The following RANBP2 variants were observed in gnomAD, a reference collection of about 807,000 sequenced individuals.
RANBP2 encodes the protein RAN binding protein 2.
In RANBP2, 57 loss-of-function variants were observed where a neutral mutation model predicts 303.6. That is an observed-to-expected ratio of 0.19 (90% CI 0.15 to 0.23). The LOEUF (loss-of-function observed/expected upper bound fraction) is 0.23, where lower values mean the gene tolerates loss of function less well. RANBP2 is among the 10% of genes least tolerant of loss of function. The pLI, the probability that RANBP2 is intolerant of heterozygous loss-of-function variation, is 1.00. For synonymous variants in RANBP2, 1,167 were observed against 1,301.5 expected (o/e 0.90, Z 2.23); for missense variants, 3,138 against 3,780.8 (o/e 0.83, Z 4.46).
the RANBP2 span, among the ~76,000 whole-genome samples, chr2:108,880,160 T>A: frequency 7.3e-5 from 10 of 137,796 alleles, no homozygotes; most frequent in African/African-American, 2.9e-4. Flanking sequence ...GAAAAGATAA[T>A]AAAATTAATA....
chr2:109,316,637 G>A, the RANBP2 span, among the ~76,000 whole-genome samples: 1 of 152,310 alleles, frequency 6.6e-6, no homozygotes, highest in Non-Finnish European at 1.5e-5. Flanking sequence ...GCCCCCATGT[G>A]CAGCCTTTCC....
At chr2:109,002,185 G>A in the RANBP2 span, among the ~76,000 whole-genome samples, 29 of 152,334 alleles carry the variant, frequency 1.9e-4, no homozygotes, top group African/African-American at 6.5e-4. Context: ...GCTTCCAAGA[G>A]GCCGACCAAT....
At chr2:109,440,321 G>A in the RANBP2 span, among the ~76,000 whole-genome samples, 1 of 152,332 alleles carries the variant, frequency 6.6e-6, no homozygotes, top group East Asian at 1.9e-4. Flanking sequence ...GCCGAGGCCA[G>A]GGGCCCATGG....
chr2:108,998,599 C>T, the RANBP2 span, among the ~76,000 whole-genome samples: 1 of 152,194 alleles, frequency 6.6e-6, no homozygotes, highest in Non-Finnish European at 1.5e-5. Flanking sequence ...CTTTCTCTTC[C>T]TCAACCCAGC....
At chr2:109,493,488 A>G in the RANBP2 span, among the ~76,000 whole-genome samples, 1 of 151,720 alleles carries the variant, frequency 6.6e-6, no homozygotes, top group African/African-American at 2.4e-5. Flanking sequence ...CATACCCCAC[A>G]TACACCATAC....
At chr2:108,863,648 C>T in the RANBP2 span, among the ~76,000 whole-genome samples, 18 of 152,074 alleles carry the variant, frequency 1.2e-4, no homozygotes, top group African/African-American at 4.1e-4. Context: ...TCTACATAAC[C>T]TTTGTTTTTA....
chr2:109,401,007 A>G, the RANBP2 span, among the ~76,000 whole-genome samples: 1 of 152,124 alleles, frequency 6.6e-6, no homozygotes, highest in African/African-American at 2.4e-5. Context: ...GGGCATGGTG[A>G]CCCAGTGGCG....
chr2:109,606,160 T>C, the RANBP2 span, among the ~76,000 whole-genome samples: 5 of 152,250 alleles, frequency 3.3e-5, no homozygotes, highest in African/African-American at 7.2e-5. Context: ...CTCATGCCTG[T>C]AATCCCAGCA....
At chr2:109,352,504 C>A in the RANBP2 span, among the ~76,000 whole-genome samples, 1 of 152,168 alleles carries the variant, frequency 6.6e-6, no homozygotes, top group Non-Finnish European at 1.5e-5. Context: ...TCTGCTTCTT[C>A]CTGACTGAGA....
chr2:109,174,575 C>G, the RANBP2 span, among the ~76,000 whole-genome samples: 2 of 152,194 alleles, frequency 1.3e-5, no homozygotes, highest in East Asian at 3.8e-4. Flanking sequence ...CTGGAATTCC[C>G]TCCATTGTGG....
chr2:109,528,891 C>T, the RANBP2 span, among the ~76,000 whole-genome samples: 5 of 152,266 alleles, frequency 3.3e-5, no homozygotes, highest in African/African-American at 7.2e-5. Context: ...CGGTGTAGGC[C>T]GGCACGAACT....
the RANBP2 span, chr2:109,504,113 G>A: frequency 6.6e-6 from 1 of 152,254 alleles, no homozygotes; most frequent in African/African-American, 2.4e-5. Flanking sequence ...TCATGATGAT[G>A]TAGCTCGCAG....
At chr2:108,889,842 G>C in the RANBP2 span, among the ~76,000 whole-genome samples, 503 of 152,156 alleles carry the variant, frequency 3.3e-3, 4 homozygotes, top group African/African-American at 0.012. Context: ...TATATTCTTT[G>C]TTCCTTTCTT....
At chr2:109,433,906 G>T in the RANBP2 span, among the ~76,000 whole-genome samples, 1 of 152,234 alleles carries the variant, frequency 6.6e-6, no homozygotes, top group Non-Finnish European at 1.5e-5. Context: ...CCAGCCACCT[G>T]GTCAGAGGGG....
At chr2:109,220,815 G>T in the RANBP2 span, among the ~76,000 whole-genome samples, 1 of 152,194 alleles carries the variant, frequency 6.6e-6, no homozygotes, top group Non-Finnish European at 1.5e-5. Flanking sequence ...CATATAAAAT[G>T]GTACAGCTGC....
the RANBP2 span, among the ~76,000 whole-genome samples, chr2:109,494,837 C>G: frequency 6.6e-6 from 1 of 152,162 alleles, no homozygotes; most frequent in African/African-American, 2.4e-5. Flanking sequence ...CCATCTCTTT[C>G]AAGACTCTGG....
chr2:109,458,262 C>G, the RANBP2 span, among the ~76,000 whole-genome samples: 1 of 152,166 alleles, frequency 6.6e-6, no homozygotes, highest in Non-Finnish European at 1.5e-5. Context: ...ACTCATTAAT[C>G]TTTTCAGAGG....
At chr2:109,000,546 C>T in the RANBP2 span, among the ~76,000 whole-genome samples, 1 of 151,988 alleles carries the variant, frequency 6.6e-6, no homozygotes, top group African/African-American at 2.4e-5. Flanking sequence ...AACAAACAAA[C>T]AAAAACCCAA....
Position 108,751,038 on chromosome 2 carries a change from C to G in RANBP2, c.1274-226C>G, listed in dbSNP as rs1485854336. ...TGTCATTTTTTAAGATGGACTTAAA[C>G]ATTCTTCATCACTACTATTTTTATT... On this transcript the variant is annotated intron_variant, in intron 9 of 28. Transcript: ENST00000283195. 7.9e-5 allele frequency among the ~76,000 whole-genome samples: 12 copies of G among 152,254 alleles called. No homozygotes were observed. In the East Asian group the frequency reaches 1.9e-3, roughly 24 times the overall value.
Sources: gnomAD v4.1 joint callset for allele counts (sites outside exome capture counted in the v4.1 genomes callset) on GRCh38, gnomAD v4.1.1 for gene constraint, MANE v1.5 for transcripts, NCBI Gene and HGNC (gene_info 2026-07-23, HGNC 2026-07-21) for gene names.